Variants in RUFY1 observed in about 807,000 individuals in gnomAD.
RUFY1 encodes the protein RUN and FYVE domain containing 1, also known as RUN and FYVE domain-containing protein 1.
In RUFY1, 54 loss-of-function variants were observed where a neutral mutation model predicts 94.6. The ratio of observed to expected loss-of-function variants is 0.57; its 90% CI spans 0.46 to 0.72. The LOEUF is 0.72. Ranked by LOEUF, RUFY1 falls within the 30% of genes least tolerant of loss-of-function variation. RUFY1 has a pLI of 0.00. For missense variants in RUFY1, 883 were observed against 883.9 expected (o/e 1.00, Z 0.01); for synonymous variants, 396 against 347.3 (o/e 1.14, Z -1.56).
intron 3 of RUFY1, among the ~76,000 whole-genome samples, chr5:179,564,274 C>T (rs556687997): frequency 1.3e-5 from 2 of 151,926 alleles, no homozygotes; most frequent in African/African-American, 4.8e-5. Context: ...TGCCTGCCAC[C>T]AGGCCCAGGT....
chr5:179,604,776 G>A (rs1181042565), intron 15 of RUFY1, among the ~76,000 whole-genome samples: 1 of 152,064 alleles, frequency 6.6e-6, no homozygotes, highest in Non-Finnish European at 1.5e-5. Flanking sequence ...GAGGTCAGGA[G>A]TTCAAGACCA....
intron 3 of RUFY1, among the ~76,000 whole-genome samples, chr5:179,565,248 G>A: frequency 7.8e-6 from 1 of 128,742 alleles, no homozygotes; most frequent in Non-Finnish European, 1.6e-5. Flanking sequence ...GCACAATCTC[G>A]ACTCACTGCA....
At chr5:179,553,768 C>T (rs1761974384) in intron 1 of RUFY1, among the ~76,000 whole-genome samples, 1 of 152,128 alleles carries the variant, frequency 6.6e-6, no homozygotes, top group African/African-American at 2.4e-5. Context: ...CCAGCCTGGG[C>T]AACAGAACGA....
At chr5:179,608,831 T>G (rs1767385174) in intron 17 of RUFY1, among the ~76,000 whole-genome samples, 1 of 150,756 alleles carries the variant, frequency 6.6e-6, no homozygotes, top group African/African-American at 2.5e-5. Context: ...CTTGGGAGGC[T>G]GAGGCAGGAG....
At chr5:179,600,822 G>A (rs919124090) in intron 14 of RUFY1, among the ~76,000 whole-genome samples, 1 of 148,024 alleles carries the variant, frequency 6.8e-6, no homozygotes, top group Admixed American at 6.9e-5. Context: ...TCAGCCTCCC[G>A]AGTAGTTGGG....
chr5:179,573,406 A>C (rs918794761), intron 5 of RUFY1, among the ~76,000 whole-genome samples: 1 of 152,358 alleles, frequency 6.6e-6, no homozygotes, highest in South Asian at 2.1e-4. Flanking sequence ...AATCATATAC[A>C]TAATAGTATA....
At chr5:179,607,522 C>G (rs1277995988) in intron 16 of RUFY1, 60 bp from the exon 17 acceptor site, 1 of 1,420,760 alleles carries the variant, frequency 7.0e-7, no homozygotes, top group Non-Finnish European at 1.0e-6. Flanking sequence ...CAGAACGCAG[C>G]TACCCACTCA....
intron 3 of RUFY1, 94 bp downstream of exon 3, chr5:179,562,758 T>G: frequency 1.4e-6 from 1 of 738,834 alleles, no homozygotes; most frequent in Non-Finnish European, 2.4e-6. Context: ...CCCTTTCTAA[T>G]TGGAAAGAGC....
At chr5:179,560,429 G>A (rs754690194) in intron 2 of RUFY1, among the ~76,000 whole-genome samples, 2 of 152,102 alleles carry the variant, frequency 1.3e-5, no homozygotes, top group Non-Finnish European at 2.9e-5. Flanking sequence ...CTTTAAAAGC[G>A]TTAGATGAGG....
At chr5:179,573,676 C>T (rs1763393486) in intron 5 of RUFY1, among the ~76,000 whole-genome samples, 2 of 152,096 alleles carry the variant, frequency 1.3e-5, no homozygotes, top group Admixed American at 1.3e-4. Flanking sequence ...GTGCCTGCCA[C>T]CATGCCCGGC....
intron 16 of RUFY1, chr5:179,606,196 G>C: frequency 3.8e-6 from 2 of 524,970 alleles, no homozygotes; most frequent in South Asian, 2.4e-5. Context: ...ATTCCCTAAG[G>C]GGGAAGCAGG....
chr5:179,564,426 T>G (rs958051685), intron 3 of RUFY1, among the ~76,000 whole-genome samples: 2 of 150,794 alleles, frequency 1.3e-5, no homozygotes, highest in East Asian at 1.9e-4. Context: ...GGCTGTTTTT[T>G]TTTTTTTTTT....
chr5:179,550,859 G>C lies in RUFY1; in HGVS notation c.290G>C (p.Gly97Ala). 8.4e-7 allele frequency: 1 copy of C among 1,186,334 alleles called. No homozygotes were observed. Among genetic ancestry groups the C allele is most frequent in the Non-Finnish European group, 1.0e-6 (1 of 961,684 alleles). The allele number at this position is 1,186,334 out of a possible 1,614,324, so 73.5% of individuals were successfully genotyped here. A position where few individuals can be genotyped will look rare whatever the true frequency, so the allele number is the denominator to read the frequency against. Residue 97 changes from glycine to alanine, a missense_variant, in exon 1 of 18, where the codon GGG becomes GCG. Transcript: ENST00000319449. ...AAAGLGGGDS[G>A]DGTARAASKC... The stretch of plus-strand genomic sequence containing the variant: ...GCGGGGCTGGGCGGCGGGGACAGCG[G>C]GGACGGCACGGCGCGCGCAGGTAGG...
intron 5 of RUFY1, among the ~76,000 whole-genome samples, chr5:179,571,051 C>A (rs1333070440): frequency 6.6e-6 from 1 of 152,108 alleles, no homozygotes; most frequent in Non-Finnish European, 1.5e-5. Flanking sequence ...TTTAAGCACA[C>A]CATTTTGTAA....
rs552729338 is a variant in RUFY1 at position 179,608,690 on chromosome 5, G to C, written c.1984-686G>C. On this transcript the variant is annotated intron_variant, in intron 17 of 17. Coordinates refer to ENST00000319449, the MANE Select transcript of RUFY1 (RefSeq NM_025158.5). Reference sequence around the variant, plus strand: ...TGACTGTAATCCTAGCACTTTGGGAGGCTGAGGTGGGTGGATCACGAGGTC... The same window carrying C: ...TGACTGTAATCCTAGCACTTTGGGACGCTGAGGTGGGTGGATCACGAGGTC... 6 of 939,682 alleles carry C rather than the reference G, an allele frequency of 6.4e-6. No individual in the cohort carries two copies. In the South Asian group the frequency reaches 2.5e-4, roughly 39 times the overall value. 58.2% of individuals were successfully genotyped at this position (939,682 alleles called of 1,614,324 possible).
At chr5:179,583,503 G>A (rs555489561) in intron 7 of RUFY1, among the ~76,000 whole-genome samples, 158 of 147,234 alleles carry the variant, frequency 1.1e-3, no homozygotes, top group African/African-American at 3.7e-3. Context: ...TGCAAGCTCC[G>A]CCTCCCAGGT....
chr5:179,595,004 G>C, intron 12 of RUFY1, 41 bp downstream of exon 12: 3 of 1,400,170 alleles, frequency 2.1e-6, no homozygotes, highest in Non-Finnish European at 3.0e-6. Context: ...GGAAGGCTCT[G>C]AGCATTCCCT....
chr5:179,569,226 G>A (rs371987812), intron 4 of RUFY1, 76 bp from the exon 5 acceptor site: 20 of 1,606,792 alleles, frequency 1.2e-5, no homozygotes, highest in Non-Finnish European at 1.4e-5. Flanking sequence ...AGGTGAAAAG[G>A]CAGTTCAGGG....
chr5:179,569,065 G>A lies in RUFY1; in HGVS notation c.705-237G>A, dbSNP rs572186548. The A allele has an allele frequency of 2.3e-4, 228 of 985,314 alleles. No individual in the cohort carries two copies. In the African/African-American group the frequency reaches 3.9e-3, roughly 17 times the overall value. 61.0% of individuals were successfully genotyped at this position (985,314 alleles called of 1,614,324 possible). On this transcript the variant is annotated intron_variant, in intron 4 of 17. Coordinates refer to ENST00000319449, the MANE Select transcript of RUFY1 (RefSeq NM_025158.5). The stretch of plus-strand genomic sequence containing the variant: ...AGAACTGGGGTCCAGGGTCTGCATG[G>A]AGGAGTTAACTTTAGACAGGAGGAG...
Sources: gnomAD v4.1 joint callset for allele counts (sites outside exome capture counted in the v4.1 genomes callset) on GRCh38, gnomAD v4.1.1 for gene constraint, MANE v1.5 for transcripts, NCBI Gene and HGNC (gene_info 2026-07-23, HGNC 2026-07-21) for gene names.